The following UTRN variants were observed in gnomAD, a reference collection of about 807,000 sequenced individuals.
The protein encoded by UTRN is utrophin.
A neutral mutation model predicts 463.9 loss-of-function variants in UTRN; 283 were observed. The observed-to-expected ratio is 0.61, with a 90% CI of 0.55 to 0.67. The LOEUF (loss-of-function observed/expected upper bound fraction) is 0.67, where lower values mean the gene tolerates loss of function less well. Ranked by LOEUF, UTRN falls within the 30% of genes least tolerant of loss-of-function variation. The pLI is 0.00. For missense variants in UTRN, 3,922 were observed against 4,084.3 expected (o/e 0.96, Z 1.08); for synonymous variants, 1,442 against 1,431.5 (o/e 1.01, Z -0.17).
intron 53 of UTRN, among the ~76,000 whole-genome samples, chr6:144,722,798 A>G (rs1385102689): frequency 6.6e-6 from 1 of 152,168 alleles, no homozygotes; most frequent in Non-Finnish European, 1.5e-5. Context: ...GGTACCCCAG[A>G]CAATAGGCAG....
chr6:144,599,601 A>G (rs1241945908), intron 51 of UTRN, among the ~76,000 whole-genome samples: 2 of 152,184 alleles, frequency 1.3e-5, no homozygotes, highest in Admixed American at 1.3e-4. Flanking sequence ...TTGGCAAATG[A>G]AAATAGATTT....
chr6:144,461,412 T>G, intron 22 of UTRN, 70 bp downstream of exon 22: 6 of 1,340,652 alleles, frequency 4.5e-6, no homozygotes, highest in Non-Finnish European at 5.8e-6. Context: ...TTTTGAAATG[T>G]TTTTTCAGAG....
At chr6:144,343,789 C>T (rs144747496) in intron 2 of UTRN, among the ~76,000 whole-genome samples, 10 of 152,124 alleles carry the variant, frequency 6.6e-5, no homozygotes, top group Non-Finnish European at 1.2e-4. Flanking sequence ...TAATATGTAA[C>T]GAAACTCCTA....
At chr6:144,620,278 A>G (rs1775216499) in intron 51 of UTRN, among the ~76,000 whole-genome samples, 1 of 152,128 alleles carries the variant, frequency 6.6e-6, no homozygotes, top group African/African-American at 2.4e-5. Context: ...TTTATTGGCT[A>G]CTATGTTTTT....
At position 144,678,626 on chromosome 6, in the gene UTRN, G is replaced by A. The variant is rs779856949; in HGVS notation, c.7652+48G>A. ...TAAAAATAATGGGGTGGAAGGGGTA[G>A]ATACTTGTGATTTTTGTATATCAGA... On this transcript the variant is annotated intron_variant, in intron 52 of 74. Transcript: ENST00000367545. 5 of 1,475,494 alleles carry A rather than the reference G, an allele frequency of 3.4e-6. No homozygotes were observed. The South Asian group carries it at 6.8e-5, about 20-fold the overall frequency. The allele number at this position is 1,475,494 out of a possible 1,614,324, so 91.4% of individuals were successfully genotyped here.
intron 54 of UTRN, among the ~76,000 whole-genome samples, chr6:144,733,701 G>C (rs78098318): frequency 6.2e-4 from 95 of 152,044 alleles, no homozygotes; most frequent in Non-Finnish European, 1.1e-3. Flanking sequence ...ACATTTTAAG[G>C]CTTGCTTATG....
In UTRN at chr6:144,291,326, G is replaced by T. The variant is rs73778600; in HGVS notation, c.-92-411G>T. ...TGATTCTTTCTGCCACTTCACATAG[G>T]AAGCTCTTACCTTTTCTCTTTCTGT... On this transcript the variant is annotated intron_variant, in intron 1 of 74. Coordinates refer to ENST00000367545, the MANE Select transcript of UTRN (RefSeq NM_007124.3). Among the ~76,000 whole-genome samples, 739 of 152,248 alleles carry T rather than the reference G, an allele frequency of 4.9e-3. 6 individuals carry two copies. Among genetic ancestry groups the T allele is most frequent in the African/African-American group, 0.017 (700 of 41,546 alleles).
intron 71 of UTRN, among the ~76,000 whole-genome samples, chr6:144,838,378 T>C (rs1322328663): frequency 6.7e-6 from 1 of 148,690 alleles, no homozygotes; most frequent in East Asian, 1.9e-4. Context: ...AGATGGAAAA[T>C]TCAACTCTAA....
intron 39 of UTRN, among the ~76,000 whole-genome samples, chr6:144,518,426 A>G (rs1394544247): frequency 6.6e-6 from 1 of 152,224 alleles, no homozygotes; most frequent in African/African-American, 2.4e-5. Flanking sequence ...TAGTACAGCT[A>G]TGCTGGTTTT....
intron 44 of UTRN, 47 bp downstream of exon 44, chr6:144,537,764 A>G (rs376036559): frequency 8.8e-6 from 14 of 1,586,676 alleles, no homozygotes; most frequent in Middle Eastern, 3.3e-4. Context: ...CCCGAACATT[A>G]TACTTCAGAG....
rs778058321 is a variant in UTRN, at chr6:144,438,860, G to A, written c.1357G>A (p.Val453Ile). The A allele has an allele frequency of 1.2e-6, 2 of 1,614,034 alleles. No individual in the cohort carries two copies. Among genetic ancestry groups the A allele is most frequent in the Middle Eastern group, 1.6e-4 (1 of 6,084 alleles). Residue 453 changes from valine to isoleucine, a missense_variant, in exon 12 of 75, where the codon GTA (valine) becomes ATA (isoleucine). Val to Ile is a conservative substitution (Grantham distance 29). This residue lies in a region of UTRN where 2,349 missense variants were observed against 2,303.8 expected (regional missense o/e 1.02). Coordinates refer to ENST00000367545, the MANE Select transcript of UTRN (RefSeq NM_007124.3). Reference protein sequence around the residue: ...KMETCPLDDDVKSLQKLLEEH... With the variant: ...KMETCPLDDDIKSLQKLLEEH... ...GGAAACTTGCCCCCTGGATGATGAT[G>A]TAAAATCTCTACAAAAGCTGCTAGA...
intron 51 of UTRN, among the ~76,000 whole-genome samples, chr6:144,629,651 T>G (rs1047785327): frequency 6.6e-6 from 1 of 152,240 alleles, no homozygotes; most frequent in Admixed American, 6.5e-5. Flanking sequence ...TAAGCATTGT[T>G]GGATTGTTCC....
intron 56 of UTRN, among the ~76,000 whole-genome samples, chr6:144,753,799 C>A (rs7750430): frequency 6.6e-6 from 1 of 151,080 alleles, no homozygotes; most frequent in African/African-American, 2.4e-5. Context: ...CCCAGGAGGT[C>A]GAGGCTGCAG....
rs769004303 is a variant in UTRN at position 144,482,366 on chromosome 6, G to A, written c.3665G>A (p.Arg1222Gln). Residue 1222 changes from arginine to glutamine, a missense_variant, in exon 27 of 75, where the codon CGA becomes CAA. This residue lies in a region of UTRN where 2,349 missense variants were observed against 2,303.8 expected (regional missense o/e 1.02). Coordinates refer to ENST00000367545, the MANE Select transcript of UTRN (RefSeq NM_007124.3). Reference sequence around the variant, plus strand: ...TACCAACTTCTTTGTAATAGAATTCGAGGAAAGTGCCACACGCTAGAGGTA... The same window carrying A: ...TACCAACTTCTTTGTAATAGAATTCAAGGAAAGTGCCACACGCTAGAGGTA... ...ENYQLLCNRI[R>Q]GKCHTLEEVW... 13 of 1,596,002 alleles carry A rather than the reference G, an allele frequency of 8.1e-6. No individual in the cohort carries two copies. In the South Asian group the frequency reaches 9.3e-5, roughly 11 times the overall value.
At chr6:144,728,791 A>C (rs1279883773) in intron 53 of UTRN, among the ~76,000 whole-genome samples, 1 of 152,322 alleles carries the variant, frequency 6.6e-6, no homozygotes, top group Non-Finnish European at 1.5e-5. Context: ...TTGCTCGTTC[A>C]TTTAAATTTT....
chr6:144,356,820 G>A (rs573010761), intron 2 of UTRN, among the ~76,000 whole-genome samples: 8 of 151,788 alleles, frequency 5.3e-5, no homozygotes, highest in South Asian at 4.2e-4. Flanking sequence ...GCAAGACTCC[G>A]TCTAAAATAT....
intron 2 of UTRN, among the ~76,000 whole-genome samples, chr6:144,309,919 T>C (rs944883525): frequency 1.3e-5 from 2 of 152,220 alleles, no homozygotes; most frequent in Admixed American, 1.3e-4. Flanking sequence ...AGCCCTCTTC[T>C]AGCAGATAAC....
intron 51 of UTRN, among the ~76,000 whole-genome samples, chr6:144,587,544 G>A (rs903799978): frequency 6.6e-6 from 1 of 152,190 alleles, no homozygotes; most frequent in African/African-American, 2.4e-5. Context: ...TCATCTACAT[G>A]TACAGCTCCC....
At chr6:144,418,228 T>TG (rs1206790306) in intron 3 of UTRN, among the ~76,000 whole-genome samples, 1 of 150,392 alleles carries the variant, frequency 6.6e-6, no homozygotes, top group East Asian at 1.9e-4. Context: ...CTTTTTTTTT[T>TG]TTTGAGATGG....
Sources: allele counts gnomAD v4.1 joint callset (sites outside exome capture counted in the v4.1 genomes callset), GRCh38; gene constraint gnomAD v4.1.1; regional missense constraint gnomAD v4.1.1; transcripts MANE v1.5; gene names NCBI Gene and HGNC (gene_info 2026-07-23, HGNC 2026-07-21).